NR2F1-AS1: variants seen among roughly 807,000 people sequenced by gnomAD.
NR2F1-AS1 encodes the protein NR2F1 regulatory antisense RNA 1.
chr5:93,430,372 G>A (rs1342138673), intron 4 of NR2F1-AS1, among the ~76,000 whole-genome samples: 1 of 152,180 alleles, frequency 6.6e-6, no homozygotes, highest in South Asian at 2.1e-4. Context: ...CCAAGTGAGA[G>A]TGAGAGCAAG....
At chr5:93,465,321 A>G (rs1400348642) in intron 4 of NR2F1-AS1, among the ~76,000 whole-genome samples, 1 of 152,256 alleles carries the variant, frequency 6.6e-6, no homozygotes, top group African/African-American at 2.4e-5. Context: ...AGACACATCA[A>G]AAAATGCTCA....
chr5:93,492,418 A>T (rs952188125), intron 4 of NR2F1-AS1, among the ~76,000 whole-genome samples: 1 of 152,212 alleles, frequency 6.6e-6, no homozygotes, highest in Non-Finnish European at 1.5e-5. Context: ...AATACACCAA[A>T]CACTTAAATA....
rs536934878 is a variant in NR2F1-AS1, at chr5:93,579,162, C to G, written n.313+1305G>C. 3.9e-5 allele frequency among the ~76,000 whole-genome samples: 6 copies of G among 152,168 alleles called. No homozygotes were observed. The highest frequency in any genetic ancestry group is 8.8e-5 in the Non-Finnish European group (6 of 68,028). On this transcript the variant is annotated intron_variant and non_coding_transcript_variant, in intron 1 of 5. Transcript: ENST00000660523. The surrounding 1 kb of genome is among the most constrained non-coding windows in gnomAD (Gnocchi z 5.1). The stretch of plus-strand genomic sequence containing the variant: ...GGGGGACAGCGCCCTCCTCGAAAAG[C>G]CTTGGTTTCTCCCCGCCCCCTCTTG...
intron 4 of NR2F1-AS1, among the ~76,000 whole-genome samples, chr5:93,528,227 G>C (rs140137432): frequency 0.016 from 2,464 of 152,288 alleles, 64 homozygotes; most frequent in African/African-American, 0.057. Context: ...AGACATTTAT[G>C]CAGCCAACCA....
At chr5:93,439,386 C>CG (rs1349019304) in intron 4 of NR2F1-AS1, among the ~76,000 whole-genome samples, 3 of 152,310 alleles carry the variant, frequency 2.0e-5, no homozygotes, top group East Asian at 3.9e-4. Context: ...CTCCGCCCCC[C>CG]GGGGTTCACG....
chr5:93,542,245 A>T (rs1301271955), intron 4 of NR2F1-AS1: 1 of 151,806 alleles, frequency 6.6e-6, no homozygotes, highest in African/African-American at 2.4e-5. Flanking sequence ...GTATGAAATA[A>T]AACCTGTGAA....
chr5:93,523,451 C>T (rs1344618089), intron 4 of NR2F1-AS1, among the ~76,000 whole-genome samples: 26 of 152,144 alleles, frequency 1.7e-4, no homozygotes, highest in Admixed American at 3.3e-4. Flanking sequence ...TCCTGCCTGC[C>T]GGCTCTGAAG....
At chr5:93,566,887 TAG>T (rs531662918) in intron 1 of NR2F1-AS1, among the ~76,000 whole-genome samples, 114 of 152,152 alleles carry the variant, frequency 7.5e-4, no homozygotes, top group African/African-American at 2.2e-3. Flanking sequence ...TAAAACATTA[TAG>T]AGTCAATATA....
chr5:93,410,927 A>C (rs1033546330), intron 4 of NR2F1-AS1: 2 of 152,180 alleles, frequency 1.3e-5, no homozygotes, highest in Admixed American at 6.5e-5. Context: ...CCAACAACAA[A>C]AAAAAGGATT....
intron 4 of NR2F1-AS1, among the ~76,000 whole-genome samples, chr5:93,552,891 A>G (rs1752265597): frequency 6.6e-6 from 1 of 152,134 alleles, no homozygotes; most frequent in South Asian, 2.1e-4. Flanking sequence ...AGTACAGCAA[A>G]ATGAAGTTAT....
In NR2F1-AS1 at chr5:93,518,742, T is replaced by C. The variant is rs558571656; in HGVS notation, n.638+35019A>G. ...GAAAGCATTTTGGTATTTAAGTATATAAAAACAAAACCACCATTTCCACAT... is the reference window on the plus strand; with the variant it reads ...GAAAGCATTTTGGTATTTAAGTATACAAAAACAAAACCACCATTTCCACAT... On this transcript the variant is annotated intron_variant and non_coding_transcript_variant, in intron 4 of 5. Transcript: ENST00000660523. Among the ~76,000 whole-genome samples, 3 of 152,142 alleles carry C rather than the reference T, an allele frequency of 2.0e-5. No individual in the cohort carries two copies. The South Asian group carries it at 6.2e-4, about 32-fold the overall frequency.
At chr5:93,531,137 T>C (rs375961751) in intron 4 of NR2F1-AS1, among the ~76,000 whole-genome samples, 1 of 152,236 alleles carries the variant, frequency 6.6e-6, no homozygotes, top group Admixed American at 6.5e-5. Context: ...ATACATAATG[T>C]CCCATACTAC....
At position 93,579,268 on chromosome 5, in the gene NR2F1-AS1, G is replaced by A. The variant is rs1186345787; in HGVS notation, n.313+1199C>T. 6.6e-6 allele frequency among the ~76,000 whole-genome samples: 1 copy of A among 152,098 alleles called. No individual in the cohort carries two copies. Among genetic ancestry groups the A allele is most frequent in the Non-Finnish European group, 1.5e-5 (1 of 68,022 alleles). The stretch of plus-strand genomic sequence containing the variant: ...AAAAGCCGCGGGCTTCCGCTGCTCC[G>A]GGCATCACCACCAACAGCTTCCCAC... On this transcript the variant is annotated intron_variant and non_coding_transcript_variant, in intron 1 of 5. Coordinates refer to ENST00000660523, the Ensembl canonical transcript of NR2F1-AS1. This position sits in a 1 kb window ranked among gnomAD's most constrained non-coding sequence, Gnocchi z 5.1.
intron 4 of NR2F1-AS1, among the ~76,000 whole-genome samples, chr5:93,492,923 T>C (rs1750883361): frequency 1.3e-5 from 2 of 151,072 alleles, no homozygotes; most frequent in Middle Eastern, 3.5e-3. Context: ...GAAAAACCCA[T>C]AGCTAACATT....
intron 2 of NR2F1-AS1, among the ~76,000 whole-genome samples, chr5:93,562,411 C>G (rs144289082): frequency 1.6e-4 from 25 of 152,204 alleles, no homozygotes; most frequent in African/African-American, 5.8e-4. Flanking sequence ...CCCACCTCAG[C>G]CTCCCAAGGA....
intron 4 of NR2F1-AS1, among the ~76,000 whole-genome samples, chr5:93,421,451 CA>C (rs1293370630): frequency 2.0e-5 from 3 of 151,980 alleles, no homozygotes; most frequent in Non-Finnish European, 2.9e-5. Flanking sequence ...GGTTATGTTC[CA>C]AGTCTCCATT....
At chr5:93,525,059 G>C (rs775725222) in intron 4 of NR2F1-AS1, among the ~76,000 whole-genome samples, 13 of 152,104 alleles carry the variant, frequency 8.5e-5, no homozygotes, top group Non-Finnish European at 1.5e-4. Context: ...AAAAGACACA[G>C]ACTGGTAAAT....
chr5:93,480,057 C>A (rs191966229), intron 4 of NR2F1-AS1, among the ~76,000 whole-genome samples: 1 of 151,800 alleles, frequency 6.6e-6, no homozygotes, highest in African/African-American at 2.4e-5. Flanking sequence ...ATCAAGTGCA[C>A]CAACATACAC....
At chr5:93,495,375 T>C (rs1175402485) in intron 4 of NR2F1-AS1, among the ~76,000 whole-genome samples, 1 of 152,120 alleles carries the variant, frequency 6.6e-6, no homozygotes, top group African/African-American at 2.4e-5. Context: ...GAATTGTATG[T>C]CCAAATCTAG....
Sources: gnomAD v4.1 joint callset for allele counts (sites outside exome capture counted in the v4.1 genomes callset) on GRCh38, gnomAD v4.1.1 for gene constraint, Gnocchi (gnomAD v3.1) non-coding constraint, MANE v1.5 for transcripts, NCBI Gene and HGNC (gene_info 2026-07-23, HGNC 2026-07-21) for gene names.